The following CADM2 variants were observed in gnomAD, a reference collection of about 807,000 sequenced individuals.
The protein encoded by CADM2 is cell adhesion molecule 2.
In CADM2, 12 loss-of-function variants were observed where a neutral mutation model predicts 49.8. That is an observed-to-expected ratio of 0.24 (90% CI 0.15 to 0.39). The LOEUF (loss-of-function observed/expected upper bound fraction) is 0.39. Ranked by LOEUF, CADM2 falls within the 10% of genes least tolerant of loss-of-function variation. The pLI is 1.00. For missense variants in CADM2, 378 were observed against 492.3 expected (o/e 0.77, Z 2.20); for synonymous variants, 214 against 175.4 (o/e 1.22, Z -1.74).
intron 1 of CADM2, among the ~76,000 whole-genome samples, chr3:85,628,592 C>CAT (rs1181059181): frequency 1.6e-4 from 16 of 101,798 alleles, no homozygotes; most frequent in South Asian, 1.2e-3. Context: ...CATATATATA[C>CAT]ATATATACAC....
At chr3:85,938,553 C>A (rs1721455853) in intron 7 of CADM2, among the ~76,000 whole-genome samples, 1 of 151,880 alleles carries the variant, frequency 6.6e-6, no homozygotes, top group Non-Finnish European at 1.5e-5. Context: ...GATAGCCATA[C>A]AAGAGTGGGA....
At chr3:85,885,851 C>CAA (rs34486931) in intron 4 of CADM2, among the ~76,000 whole-genome samples, 20,147 of 91,292 alleles carry the variant, frequency 0.22, 2,730 homozygotes, top group African/African-American at 0.34. Context: ...GATCCTGTCT[C>CAA]AAAAAAAAAA....
intron 3 of CADM2, among the ~76,000 whole-genome samples, chr3:85,852,295 T>G (rs966506744): frequency 3.3e-5 from 5 of 152,144 alleles, no homozygotes; most frequent in Non-Finnish European, 7.4e-5. Flanking sequence ...GTTCCATGAA[T>G]GCATGAATTA....
intron 1 of CADM2, among the ~76,000 whole-genome samples, chr3:85,639,836 T>C (rs1045832207): frequency 1.3e-5 from 2 of 151,880 alleles, no homozygotes; most frequent in South Asian, 4.2e-4. Flanking sequence ...AAATAGGACA[T>C]GAAATAAATA....
At chr3:85,259,839 T>C (rs918223844) in intron 1 of CADM2, among the ~76,000 whole-genome samples, 2 of 152,070 alleles carry the variant, frequency 1.3e-5, no homozygotes, top group Admixed American at 1.3e-4. Context: ...GGGTCTAACA[T>C]AAGATGGAAA....
intron 3 of CADM2, among the ~76,000 whole-genome samples, chr3:85,849,436 A>G (rs1381019065): frequency 6.6e-6 from 1 of 152,172 alleles, no homozygotes; most frequent in Non-Finnish European, 1.5e-5. Flanking sequence ...AATAAAAACC[A>G]CCATTCTTTT....
chr3:85,131,121 G>A (rs963625514), intron 1 of CADM2, among the ~76,000 whole-genome samples: 1 of 152,206 alleles, frequency 6.6e-6, no homozygotes, highest in South Asian at 2.1e-4. Flanking sequence ...AGAGGTAGCA[G>A]CGAGCCAAGA....
chr3:86,007,664 C>G (rs942565500), intron 8 of CADM2, among the ~76,000 whole-genome samples: 5 of 152,162 alleles, frequency 3.3e-5, no homozygotes, highest in Non-Finnish European at 5.9e-5. Context: ...GAGGATTTGG[C>G]AGATATTAAA....
chr3:85,872,078 G>A (rs909495597), intron 3 of CADM2, among the ~76,000 whole-genome samples: 1 of 152,188 alleles, frequency 6.6e-6, no homozygotes, highest in African/African-American at 2.4e-5. Flanking sequence ...GAGAGAGCCA[G>A]CATCTTTTCT....
chr3:85,576,143 AATTT>A (rs1291322682), intron 1 of CADM2, among the ~76,000 whole-genome samples: 3 of 152,180 alleles, frequency 2.0e-5, no homozygotes, highest in African/African-American at 7.2e-5. Flanking sequence ...GTTTTAACAT[AATTT>A]ATTTATTATA....
At chr3:85,356,449 G>C (rs189805972) in intron 1 of CADM2, among the ~76,000 whole-genome samples, 25 of 152,148 alleles carry the variant, frequency 1.6e-4, no homozygotes, top group African/African-American at 6.0e-4. Context: ...GCTAGTTCAG[G>C]GTCAGTCCAT....
At chr3:85,478,822 A>G (rs1263760448) in intron 1 of CADM2, among the ~76,000 whole-genome samples, 1 of 151,958 alleles carries the variant, frequency 6.6e-6, no homozygotes, top group East Asian at 1.9e-4. Context: ...GAAATAGTAT[A>G]TTGTTATTAC....
At chr3:85,436,754 G>A (rs1207501774) in intron 1 of CADM2, among the ~76,000 whole-genome samples, 11 of 152,180 alleles carry the variant, frequency 7.2e-5, no homozygotes, top group African/African-American at 1.7e-4. Context: ...AAGATTTCCC[G>A]TGTACTCACT....
chr3:85,524,619 A>G (rs1237155818), intron 1 of CADM2, among the ~76,000 whole-genome samples: 1 of 152,188 alleles, frequency 6.6e-6, no homozygotes, highest in Non-Finnish European at 1.5e-5. Context: ...GTTGGGTGGC[A>G]TATTCCCAAA....
intron 2 of CADM2, among the ~76,000 whole-genome samples, chr3:85,744,858 A>T (rs747416976): frequency 4.6e-5 from 7 of 152,104 alleles, no homozygotes; most frequent in Non-Finnish European, 7.4e-5. Context: ...CTCAACTTTT[A>T]CTCTGAGTGC....
intron 1 of CADM2, among the ~76,000 whole-genome samples, chr3:85,563,384 C>T (rs1447966304): frequency 7.5e-6 from 1 of 134,218 alleles, no homozygotes; most frequent in Non-Finnish European, 1.6e-5. Flanking sequence ...CTACGTATTG[C>T]AAAAACAGGG....
chr3:85,589,283 C>T (rs879471492), intron 1 of CADM2, among the ~76,000 whole-genome samples: 6 of 151,988 alleles, frequency 3.9e-5, no homozygotes, highest in African/African-American at 7.2e-5. Context: ...AGTTCTCCTG[C>T]GGTAATATTT....
At chr3:86,026,077 G>GTA (rs1733870578) in intron 8 of CADM2, among the ~76,000 whole-genome samples, 1 of 152,086 alleles carries the variant, frequency 6.6e-6, no homozygotes, top group Non-Finnish European at 1.5e-5. Flanking sequence ...TGTTTATTGT[G>GTA]TACTAGGGAA....
At chr3:85,754,715 A>G (rs906181639) in intron 2 of CADM2, among the ~76,000 whole-genome samples, 1 of 137,234 alleles carries the variant, frequency 7.3e-6, no homozygotes, top group Non-Finnish European at 1.5e-5. Flanking sequence ...AACAATAATA[A>G]TAAAAGCCAT....
Sources: gnomAD v4.1 joint callset for allele counts (sites outside exome capture counted in the v4.1 genomes callset) on GRCh38, gnomAD v4.1.1 for gene constraint, MANE v1.5 for transcripts, NCBI Gene and HGNC (gene_info 2026-07-23, HGNC 2026-07-21) for gene names.